The following SCRG1 variants were observed in gnomAD, a reference collection of about 807,000 sequenced individuals.
SCRG1 encodes the protein stimulator of chondrogenesis 1.
SCRG1 carries 3 observed loss-of-function variants against 7.7 expected under a neutral mutation model. The ratio of observed to expected loss-of-function variants is 0.39; its 90% CI spans 0.18 to 1.01. The LOEUF (loss-of-function observed/expected upper bound fraction) is 1.01. Ranked by LOEUF, SCRG1 falls within the 50% of genes least tolerant of loss-of-function variation. The pLI is 0.36. For synonymous variants in SCRG1, 46 were observed against 41.2 expected (o/e 1.12, Z -0.44); for missense variants, 110 against 117.2 (o/e 0.94, Z 0.28).
At chr4:173,516,472 C>T in the SCRG1 span, among the ~76,000 whole-genome samples, 57 of 152,268 alleles carry the variant, frequency 3.7e-4, no homozygotes, top group Admixed American at 3.5e-3. Flanking sequence ...GTATCAAGGA[C>T]GAGTTAGGTA....
chr4:173,410,216 C>T (rs1326397923), upstream of SCRG1, among the ~76,000 whole-genome samples: 3 of 152,216 alleles, frequency 2.0e-5, no homozygotes, highest in South Asian at 2.1e-4. Context: ...TGTTCTAGAT[C>T]CTGTGTGTAG....
At chr4:173,390,239 T>A (rs1340511891) in intron 2 of SCRG1, among the ~76,000 whole-genome samples, 1 of 151,960 alleles carries the variant, frequency 6.6e-6, no homozygotes, top group Non-Finnish European at 1.5e-5. Context: ...AGAGACAGAG[T>A]TTCACCACGT....
rs1234511415 is a variant in SCRG1, at chr4:173,386,765, A to G, written c.*1576T>C. ...CACAATACTTTGTATGGCACCCTAT[A>G]CTTCTCTGTAGCAGGCTTCACATTT... On this transcript the variant is annotated 3_prime_UTR_variant, in exon 3 of 3. Transcript: ENST00000296506. 1.3e-5 allele frequency: 2 copies of G among 152,258 alleles called. No homozygotes were observed. Among genetic ancestry groups the G allele is most frequent in the East Asian group, 1.9e-4 (1 of 5,186 alleles). The allele number at this position is 152,258 out of a possible 1,614,324, so 9.4% of individuals were successfully genotyped here.
chr4:173,493,372 A>T, the SCRG1 span, among the ~76,000 whole-genome samples: 6 of 152,054 alleles, frequency 3.9e-5, no homozygotes. Flanking sequence ...AAGTTTCCTG[A>T]GGACTCCCAA....
At chr4:173,450,550 C>A in the SCRG1 span, among the ~76,000 whole-genome samples, 3,105 of 152,178 alleles carry the variant, frequency 0.02, 107 homozygotes, top group African/African-American at 0.067. Context: ...GCACTGCTAG[C>A]AGTTGGTTAC....
the SCRG1 span, among the ~76,000 whole-genome samples, chr4:173,467,478 G>A: frequency 6.6e-6 from 1 of 152,196 alleles, no homozygotes; most frequent in African/African-American, 2.4e-5. Flanking sequence ...CATGGGGAGA[G>A]TAGACAAGAC....
At chr4:173,392,965 C>T (rs1739497344) in intron 1 of SCRG1, among the ~76,000 whole-genome samples, 1 of 152,116 alleles carries the variant, frequency 6.6e-6, no homozygotes, top group Non-Finnish European at 1.5e-5. Flanking sequence ...GTGGCATGCG[C>T]CTGTAATCCC....
upstream of SCRG1, chr4:173,403,257 C>A (rs1009839749): frequency 6.6e-6 from 1 of 152,124 alleles, no homozygotes; most frequent in Non-Finnish European, 1.5e-5. Flanking sequence ...GATGCCACCT[C>A]CCCTGCAGGG....
chr4:173,480,353 T>A, the SCRG1 span, among the ~76,000 whole-genome samples: 1 of 152,134 alleles, frequency 6.6e-6, no homozygotes, highest in Non-Finnish European at 1.5e-5. Context: ...GACTGGTTTT[T>A]TTTGTTTGTT....
the SCRG1 span, among the ~76,000 whole-genome samples, chr4:173,493,886 A>T: frequency 6.6e-6 from 1 of 152,164 alleles, no homozygotes; most frequent in Non-Finnish European, 1.5e-5. Flanking sequence ...TTTTTGTTTG[A>T]TGATTTTGGT....
the SCRG1 span, among the ~76,000 whole-genome samples, chr4:173,518,982 G>C: frequency 2.0e-3 from 297 of 152,012 alleles, no homozygotes; most frequent in African/African-American, 6.9e-3. Flanking sequence ...TACCCACCGG[G>C]TTGCCTTCGG....
chr4:173,404,912 G>T (rs1394772070), intron 1 of SCRG1, among the ~76,000 whole-genome samples: 1 of 152,034 alleles, frequency 6.6e-6, no homozygotes, highest in African/African-American at 2.4e-5. Flanking sequence ...TTCATTTACA[G>T]AAAAACTGTT....
chr4:173,511,738 CTGAG>C, the SCRG1 span, among the ~76,000 whole-genome samples: 4 of 152,012 alleles, frequency 2.6e-5, no homozygotes, highest in African/African-American at 9.7e-5. This position sits in a 1 kb window ranked among gnomAD's most constrained non-coding sequence, Gnocchi z 5.2. Context: ...TTCTGTATTC[CTGAG>C]TGTGTATATA....
intron 2 of SCRG1, among the ~76,000 whole-genome samples, chr4:173,390,889 G>A (rs1739416986): frequency 6.6e-6 from 1 of 152,174 alleles, no homozygotes; most frequent in South Asian, 2.1e-4. Context: ...TTTATTTTTG[G>A]GGGGGTAAAA....
At chr4:173,447,825 G>A in the SCRG1 span, among the ~76,000 whole-genome samples, 1 of 152,286 alleles carries the variant, frequency 6.6e-6, no homozygotes, top group African/African-American at 2.4e-5. Context: ...AAGAACTTTT[G>A]TAGTTATTTG....
chr4:173,433,074 T>C, the SCRG1 span, among the ~76,000 whole-genome samples: 1 of 152,240 alleles, frequency 6.6e-6, no homozygotes, highest in Non-Finnish European at 1.5e-5. Context: ...TTCCCAATTA[T>C]TTGATTTCAC....
chr4:173,434,489 G>T, the SCRG1 span, among the ~76,000 whole-genome samples: 2 of 152,088 alleles, frequency 1.3e-5, no homozygotes, highest in Non-Finnish European at 2.9e-5. Flanking sequence ...CAAGCAATAC[G>T]TTCTAAATGG....
the SCRG1 span, among the ~76,000 whole-genome samples, chr4:173,509,415 C>T: frequency 1.3e-5 from 2 of 152,132 alleles, no homozygotes; most frequent in Admixed American, 1.3e-4. The surrounding 1 kb of genome is among the most constrained non-coding windows in gnomAD (Gnocchi z 5.7). Context: ...GGGAGCACGA[C>T]GGATAGAATG....
chr4:173,453,442 G>A, the SCRG1 span, among the ~76,000 whole-genome samples: 4 of 152,246 alleles, frequency 2.6e-5, no homozygotes, highest in South Asian at 2.1e-4. Flanking sequence ...GTCATTGTGC[G>A]AACATCATAG....
Sources: allele counts gnomAD v4.1 joint callset (sites outside exome capture counted in the v4.1 genomes callset), GRCh38; gene constraint gnomAD v4.1.1; non-coding constraint Gnocchi (gnomAD v3.1); transcripts MANE v1.5; gene names NCBI Gene and HGNC (gene_info 2026-07-23, HGNC 2026-07-21).